Variants in B3GALT1 observed in about 807,000 individuals in gnomAD.
The protein encoded by B3GALT1 is UDP-Gal:betaGlcNAc beta 1,3-galactosyltransferase, polypeptide 1.
In B3GALT1, 10 loss-of-function variants were observed where a neutral mutation model predicts 23.2. The ratio of observed to expected loss-of-function variants is 0.43; its 90% confidence interval spans 0.27 to 0.73. The LOEUF (loss-of-function observed/expected upper bound fraction) is 0.73, where lower values mean the gene tolerates loss of function less well. Ranked by LOEUF, B3GALT1 falls within the 30% of genes least tolerant of loss-of-function variation. B3GALT1 has a pLI of 0.21. For synonymous variants in B3GALT1, 156 were observed against 141.5 expected, an observed-to-expected ratio of 1.10 and a Z score of -0.73; for missense variants, 299 against 405.4, an observed-to-expected ratio of 0.74 and a Z score of 2.25.
intron 2 of B3GALT1, among the ~76,000 whole-genome samples, chr2:167,622,710 C>T (rs186761077): frequency 2.8e-3 from 423 of 152,216 alleles, no homozygotes; most frequent in Middle Eastern, 0.014. Context: ...GGCACCTCAG[C>T]TTCAATGAAC....
intron 3 of B3GALT1, among the ~76,000 whole-genome samples, chr2:167,652,952 A>G (rs1685892635): frequency 6.6e-6 from 1 of 152,158 alleles, no homozygotes; most frequent in South Asian, 2.1e-4. Flanking sequence ...CTATGTACAC[A>G]TGTGTGTACA....
chr2:167,753,400 C>T (rs1165732487), intron 3 of B3GALT1, among the ~76,000 whole-genome samples: 5 of 152,202 alleles, frequency 3.3e-5, no homozygotes, highest in Admixed American at 3.3e-4. Context: ...ACACAACCTG[C>T]TGAGGAGTGA....
chr2:167,587,866 A>G (rs1364683853), intron 2 of B3GALT1, among the ~76,000 whole-genome samples: 3 of 152,200 alleles, frequency 2.0e-5, no homozygotes, highest in Non-Finnish European at 4.4e-5. Context: ...AACCTTTTGG[A>G]TATAATTGGA....
At chr2:167,843,736 G>T (rs1326101851) in intron 4 of B3GALT1, among the ~76,000 whole-genome samples, 2 of 152,270 alleles carry the variant, frequency 1.3e-5, no homozygotes, top group East Asian at 1.9e-4. Context: ...TAAATTGCAG[G>T]TTTCAATTGC....
At chr2:167,427,577 C>T (rs2105305507) in intron 1 of B3GALT1, among the ~76,000 whole-genome samples, 1 of 152,208 alleles carries the variant, frequency 6.6e-6, no homozygotes, top group Admixed American at 6.5e-5. Context: ...CATTCTGTTG[C>T]CCAGGCTGGA....
At chr2:167,530,066 C>G (rs1157839681) in intron 2 of B3GALT1, among the ~76,000 whole-genome samples, 1 of 152,134 alleles carries the variant, frequency 6.6e-6, no homozygotes, top group Non-Finnish European at 1.5e-5. Context: ...ACAAATCTCC[C>G]TGTACCTATT....
At chr2:167,352,758 G>T (rs190380559) in intron 1 of B3GALT1, among the ~76,000 whole-genome samples, 5 of 151,856 alleles carry the variant, frequency 3.3e-5, no homozygotes, top group Non-Finnish European at 7.4e-5. Context: ...ACCAAGAACT[G>T]GAAGGACTGT....
chr2:167,695,164 C>T (rs1323693064), intron 3 of B3GALT1, among the ~76,000 whole-genome samples: 1 of 152,088 alleles, frequency 6.6e-6, no homozygotes, highest in African/African-American at 2.4e-5. Flanking sequence ...ACTCTATGGA[C>T]TCCAATAGCA....
intron 3 of B3GALT1, among the ~76,000 whole-genome samples, chr2:167,810,242 C>G (rs1001829539): frequency 1.1e-4 from 16 of 150,970 alleles, no homozygotes; most frequent in African/African-American, 4.0e-4. Context: ...TGAGGTGATG[C>G]CTCGCCCTGC....
At chr2:167,794,173 AGTATTTCTT>A (rs1688498590) in intron 3 of B3GALT1, among the ~76,000 whole-genome samples, 1 of 152,196 alleles carries the variant, frequency 6.6e-6, no homozygotes, top group Non-Finnish European at 1.5e-5. Context: ...AAATATTTCT[AGTATTTCTT>A]GAAACACAAA....
At chr2:167,810,926 T>G (rs1018583272) in intron 3 of B3GALT1, among the ~76,000 whole-genome samples, 1 of 152,204 alleles carries the variant, frequency 6.6e-6, no homozygotes, top group African/African-American at 2.4e-5. Context: ...AGGATGTAGC[T>G]CATTCACTGT....
In B3GALT1 at chr2:167,868,969, G is replaced by A. The variant is rs836703; in HGVS notation, c.-71G>A. 12 of 1,490,862 alleles carry A rather than the reference G, an allele frequency of 8.0e-6. No homozygotes were observed. Among genetic ancestry groups the A allele is most frequent in the Non-Finnish European group, 1.1e-5 (12 of 1,110,748 alleles). 92.4% of individuals were successfully genotyped at this position (1,490,862 alleles called of 1,614,324 possible). A position where few individuals can be genotyped will look rare whatever the true frequency, so the allele number is the denominator to read the frequency against. On this transcript the variant is annotated 5_prime_UTR_variant, in exon 5 of 5. Transcript: ENST00000392690. ...GATTTATTAGTAATATGCTGCCTTT[G>A]GAAGATGAAAACAAACTAGTGCCAA...
intron 1 of B3GALT1, among the ~76,000 whole-genome samples, chr2:167,427,641 A>G (rs1698643291): frequency 6.6e-6 from 1 of 152,142 alleles, no homozygotes; most frequent in Non-Finnish European, 1.5e-5. Flanking sequence ...TGCTCAAGTG[A>G]TCCTCCCCTC....
chr2:167,816,419 T>A (rs1688992342), intron 3 of B3GALT1, among the ~76,000 whole-genome samples: 1 of 152,030 alleles, frequency 6.6e-6, no homozygotes, highest in Non-Finnish European at 1.5e-5. Context: ...AAAAATGAGT[T>A]AGCTATTTAC....
chr2:167,772,996 A>G (rs1688098014), intron 3 of B3GALT1, among the ~76,000 whole-genome samples: 1 of 152,348 alleles, frequency 6.6e-6, no homozygotes. Context: ...TCATAAGGAA[A>G]GGAAAATATC....
At chr2:167,404,958 T>C (rs1371034681) in intron 1 of B3GALT1, among the ~76,000 whole-genome samples, 2 of 152,206 alleles carry the variant, frequency 1.3e-5, no homozygotes, top group African/African-American at 4.8e-5. Context: ...ATTTTGCTGT[T>C]ACGAGCACAG....
intron 2 of B3GALT1, among the ~76,000 whole-genome samples, chr2:167,529,098 T>G (rs1260611114): frequency 6.6e-6 from 1 of 152,102 alleles, no homozygotes; most frequent in Non-Finnish European, 1.5e-5. Context: ...CATTTTTCAT[T>G]TACTTTATGT....
chr2:167,422,646 ATGGATACC>A (rs1297143815), intron 1 of B3GALT1, among the ~76,000 whole-genome samples: 5 of 152,170 alleles, frequency 3.3e-5, no homozygotes, highest in African/African-American at 4.8e-5. Flanking sequence ...GAGAGTGGTT[ATGGATACC>A]TGATTCATGC....
chr2:167,685,851 C>T (rs780374457), intron 3 of B3GALT1, among the ~76,000 whole-genome samples: 3 of 152,210 alleles, frequency 2.0e-5, no homozygotes, highest in Non-Finnish European at 4.4e-5. Context: ...GTCTCTCAGG[C>T]AAATTTAAAT....
Sources: allele counts gnomAD v4.1 joint callset (sites outside exome capture counted in the v4.1 genomes callset), GRCh38; gene constraint gnomAD v4.1.1; transcripts MANE v1.5; gene names NCBI Gene and HGNC (gene_info 2026-07-23, HGNC 2026-07-21).